SEC24B: variants seen among roughly 807,000 people sequenced by gnomAD.
The protein encoded by SEC24B is protein transport protein Sec24B.
SEC24B carries 45 observed loss-of-function variants against 142.8 expected under a neutral mutation model. That is an observed-to-expected ratio of 0.32 (90% CI 0.25 to 0.40). The LOEUF is 0.40. Among genes scored for constraint, SEC24B ranks in the 10% least tolerant of loss-of-function variants. SEC24B has a pLI of 1.00. For missense variants in SEC24B, 1,409 were observed against 1,526.8 expected, an observed-to-expected ratio of 0.92 and a Z score of 1.29; for synonymous variants, 574 against 568.2, an observed-to-expected ratio of 1.01 and a Z score of -0.15.
chr4:109,530,219 A>G lies in SEC24B; in HGVS notation c.3077-70A>G, dbSNP rs185866095. ...ATTTTGTTTCTTAAATAATGCGTAT[A>G]AATTTTCTCTCTTATAGTGCCCATT... is the stretch of plus-strand genomic sequence containing the variant. On this transcript the variant is annotated intron_variant, in intron 18 of 23. Transcript: ENST00000265175. 172 of 1,348,408 alleles carry G rather than the reference A, an allele frequency of 1.3e-4. 1 individual carries two copies. The highest frequency in any genetic ancestry group is 6.5e-4 in the Admixed American group (28 of 43,090). The allele number at this position is 1,348,408 out of a possible 1,614,324, so 83.5% of individuals were successfully genotyped here.
rs995813076 is a variant in SEC24B at position 109,540,265 on chromosome 4, G to A, written c.*590G>A. On this transcript the variant is annotated 3_prime_UTR_variant, in exon 24 of 24. Coordinates refer to ENST00000265175, the MANE Select transcript of SEC24B (RefSeq NM_006323.5). ...AAGAAAATGTAAAAATGTAACTATA[G>A]CATATGAATTGCTTAAACTGTGCTG... The A allele has an allele frequency of 1.3e-5, 2 of 152,622 alleles. No individual in the cohort carries two copies. Among genetic ancestry groups the A allele is most frequent in the African/African-American group, 4.8e-5 (2 of 41,430 alleles). 9.5% of individuals were successfully genotyped at this position (152,622 alleles called of 1,614,324 possible). A position where few individuals can be genotyped will look rare whatever the true frequency, so the allele number is the denominator to read the frequency against.
At chr4:109,520,237 A>T in intron 11 of SEC24B, 129 bp from the exon 12 acceptor site, 1 of 620,420 alleles carries the variant, frequency 1.6e-6, no homozygotes, top group East Asian at 2.8e-5. Flanking sequence ...AGATAGGGAT[A>T]ATTTTTCTGT....
chr4:109,536,512 A>G (rs1286121365), intron 22 of SEC24B, among the ~76,000 whole-genome samples: 2 of 152,244 alleles, frequency 1.3e-5, no homozygotes, highest in East Asian at 3.9e-4. Flanking sequence ...ACTAGAAGAA[A>G]TATTTGTGAA....
At chr4:109,522,100 G>A (rs28611124) in intron 14 of SEC24B, among the ~76,000 whole-genome samples, 9,936 of 149,730 alleles carry the variant, frequency 0.066, 477 homozygotes, top group African/African-American at 0.14. Context: ...CGCCCAGGCT[G>A]GAGTGCAGTG....
intron 21 of SEC24B, 50 bp downstream of exon 21, chr4:109,532,793 A>G (rs1346563348): frequency 2.3e-6 from 2 of 881,910 alleles, no homozygotes; most frequent in Non-Finnish European, 3.8e-6. Context: ...CTGACCAAAA[A>G]CAAAGAAACA....
At chr4:109,444,416 A>C (rs1729237279) in intron 1 of SEC24B, among the ~76,000 whole-genome samples, 1 of 151,214 alleles carries the variant, frequency 6.6e-6, no homozygotes, top group Non-Finnish European at 1.5e-5. Flanking sequence ...AAGGGAAGTC[A>C]GGTAGAGAAT....
At chr4:109,500,752 C>T (rs1736047996) in intron 6 of SEC24B, among the ~76,000 whole-genome samples, 1 of 152,034 alleles carries the variant, frequency 6.6e-6, no homozygotes, top group South Asian at 2.1e-4. Flanking sequence ...CTCCCGGGCT[C>T]AAGCAATTCT....
chr4:109,498,804 C>T (rs12186122), intron 6 of SEC24B, among the ~76,000 whole-genome samples: 38,471 of 151,686 alleles, frequency 0.25, 5,464 homozygotes, highest in East Asian at 0.35. Flanking sequence ...AAGGGCTTTT[C>T]TTTGTATTGA....
chr4:109,444,184 C>T (rs541609563), intron 1 of SEC24B, among the ~76,000 whole-genome samples: 6 of 146,498 alleles, frequency 4.1e-5, no homozygotes, highest in Non-Finnish European at 5.9e-5. Flanking sequence ...ATCATGCCAT[C>T]GCCTGGGCAA....
At chr4:109,493,966 G>A (rs559886873) in intron 5 of SEC24B, among the ~76,000 whole-genome samples, 25 of 152,252 alleles carry the variant, frequency 1.6e-4, no homozygotes, top group African/African-American at 5.8e-4. Flanking sequence ...AGGGGATTAT[G>A]GAAACATGCT....
intron 1 of SEC24B, among the ~76,000 whole-genome samples, chr4:109,459,844 G>A (rs1248022755): frequency 6.6e-6 from 1 of 152,108 alleles, no homozygotes; most frequent in African/African-American, 2.4e-5. Flanking sequence ...ATCTGACTTG[G>A]CTCTTCATTG....
At chr4:109,525,292 C>T (rs879123303) in intron 15 of SEC24B, 54 bp from the exon 16 acceptor site, 24 of 1,412,870 alleles carry the variant, frequency 1.7e-5, no homozygotes, top group Admixed American at 4.7e-5. Context: ...TACTGTTGGA[C>T]AAGTAAAATA....
In SEC24B at chr4:109,524,785, T is replaced by G. The variant is rs767349341; in HGVS notation, c.2509-33T>G. 3 of 1,581,776 alleles carry G rather than the reference T, an allele frequency of 1.9e-6. No homozygotes were observed. In the African/African-American group the frequency reaches 4.1e-5, roughly 22 times the overall value. Reference sequence around the variant, plus strand: ...GACATGAAAATATGAGCATAAAGATTGCTAGCTCTTACTATATGATCTGTT... The same window carrying G: ...GACATGAAAATATGAGCATAAAGATGGCTAGCTCTTACTATATGATCTGTT... On this transcript the variant is annotated intron_variant, in intron 14 of 23. Transcript: ENST00000265175.
At chr4:109,460,181 C>A (rs779348080) in intron 1 of SEC24B, among the ~76,000 whole-genome samples, 4 of 151,868 alleles carry the variant, frequency 2.6e-5, no homozygotes, top group Non-Finnish European at 5.9e-5. Context: ...TTATGCTGGC[C>A]GTAGAATATA....
intron 3 of SEC24B, among the ~76,000 whole-genome samples, chr4:109,480,637 C>T (rs11734277): frequency 7.9e-5 from 12 of 151,836 alleles, no homozygotes; most frequent in African/African-American, 1.7e-4. Context: ...TGCGCCACCA[C>T]GCCCAGCTAA....
intron 1 of SEC24B, among the ~76,000 whole-genome samples, chr4:109,446,399 G>T (rs1416539080): frequency 6.6e-6 from 1 of 152,234 alleles, no homozygotes; most frequent in Admixed American, 6.5e-5. Context: ...TGTCTCTTCA[G>T]AGTGTCCAAA....
intron 1 of SEC24B, among the ~76,000 whole-genome samples, chr4:109,439,679 T>C (rs1728754308): frequency 1.3e-5 from 2 of 150,194 alleles, no homozygotes; most frequent in African/African-American, 4.9e-5. Context: ...TTTTGTATTT[T>C]TAGTAGAGAC....
intron 1 of SEC24B, 48 bp from the exon 2 acceptor site, chr4:109,462,851 TAA>T: frequency 7.2e-7 from 1 of 1,398,272 alleles, no homozygotes. Context: ...GGGCTATTTT[TAA>T]AAATTAGTTA....
chr4:109,458,211 A>G (rs79567241), intron 1 of SEC24B, among the ~76,000 whole-genome samples: 1 of 151,392 alleles, frequency 6.6e-6, no homozygotes, highest in Non-Finnish European at 1.5e-5. Context: ...TAGCATATTT[A>G]TTTGTTTTAT....
Sources: gnomAD v4.1 joint callset for allele counts (sites outside exome capture counted in the v4.1 genomes callset) on GRCh38, gnomAD v4.1.1 for gene constraint, MANE v1.5 for transcripts, NCBI Gene and HGNC (gene_info 2026-07-23, HGNC 2026-07-21) for gene names.